The following CNTN3 variants were observed in gnomAD, a reference collection of about 807,000 sequenced individuals.
The protein encoded by CNTN3 is contactin-3.
A neutral mutation model predicts 119.1 loss-of-function variants in CNTN3; 60 were observed. The observed-to-expected ratio is 0.50, with a 90% confidence interval of 0.41 to 0.62. The LOEUF (loss-of-function observed/expected upper bound fraction) is 0.62, where lower values mean the gene tolerates loss of function less well. CNTN3 is among the 20% of genes least tolerant of loss of function. The pLI is 0.00. For missense variants in CNTN3, 1,101 were observed against 1,242.4 expected (o/e 0.89, Z 1.71); for synonymous variants, 450 against 438.7 (o/e 1.03, Z -0.32).
At chr3:74,400,539 G>A (rs193173221) in intron 5 of CNTN3, among the ~76,000 whole-genome samples, 2 of 152,282 alleles carry the variant, frequency 1.3e-5, no homozygotes, top group East Asian at 1.9e-4. Flanking sequence ...TTATACGAAC[G>A]TGCACTTGCA....
chr3:74,492,741 G>C (rs913285180), intron 3 of CNTN3, among the ~76,000 whole-genome samples: 9 of 152,092 alleles, frequency 5.9e-5, no homozygotes, highest in African/African-American at 1.9e-4. Context: ...AACTATGTTT[G>C]AGAGACAGAA....
intron 1 of CNTN3, among the ~76,000 whole-genome samples, chr3:74,543,838 C>T (rs915484564): frequency 6.6e-6 from 1 of 151,736 alleles, no homozygotes; most frequent in Non-Finnish European, 1.5e-5. Context: ...CTGAGACAGT[C>T]GAAAAAAAGA....
intron 2 of CNTN3, among the ~76,000 whole-genome samples, chr3:74,504,562 C>T (rs542680409): frequency 6.6e-6 from 1 of 152,260 alleles, no homozygotes; most frequent in South Asian, 2.1e-4. Flanking sequence ...CATTTATATG[C>T]TTCCAATGTC....
chr3:74,417,167 A>G lies in CNTN3; in HGVS notation c.454+7678T>C, dbSNP rs1359583887. Among the ~76,000 whole-genome samples, 4 of 152,006 alleles carry G rather than the reference A, an allele frequency of 2.6e-5. No individual in the cohort carries two copies. The East Asian group carries it at 7.8e-4, about 29-fold the overall frequency. On this transcript the variant is annotated intron_variant, in intron 5 of 22. Coordinates refer to ENST00000263665, the MANE Select transcript of CNTN3 (RefSeq NM_020872.3). The stretch of plus-strand genomic sequence containing the variant: ...GCTGTGTCTGGCCAATAATAATGGC[A>G]CCTATTATTGTCATTCTAGGGTTAA...
intron 5 of CNTN3, among the ~76,000 whole-genome samples, chr3:74,412,375 A>G (rs112464400): frequency 4.1e-3 from 619 of 152,316 alleles, no homozygotes; most frequent in African/African-American, 0.014. Flanking sequence ...ATGTAAAACA[A>G]ATTTGGAAAA....
In CNTN3 at chr3:74,365,547, T is replaced by C; in HGVS notation, c.1083+19A>G. 1 of 1,613,018 alleles carries C rather than the reference T, an allele frequency of 6.2e-7. No homozygotes were observed. The highest frequency in any genetic ancestry group is 1.3e-5 in the African/African-American group (1 of 74,962). On this transcript the variant is annotated intron_variant, in intron 9 of 22. Coordinates refer to ENST00000263665, the MANE Select transcript of CNTN3 (RefSeq NM_020872.3). ...ATTTACCAGGCCTCTAAACCCATTT[T>C]AGGTCCATGTTACCTTACCTCTAGC...
chr3:74,438,161 A>C (rs2106922893), intron 4 of CNTN3, among the ~76,000 whole-genome samples: 1 of 152,336 alleles, frequency 6.6e-6, no homozygotes, highest in East Asian at 1.9e-4. Flanking sequence ...TATCTTAATT[A>C]TGTACTCAAA....
intron 19 of CNTN3, 22 bp downstream of exon 19, chr3:74,295,099 A>G (rs1335271581): frequency 2.7e-6 from 4 of 1,481,306 alleles, no homozygotes; most frequent in Non-Finnish European, 3.8e-6. Context: ...CACATACACA[A>G]TTTAATCGGA....
At chr3:74,427,868 C>T (rs189193156) in intron 4 of CNTN3, among the ~76,000 whole-genome samples, 1 of 151,616 alleles carries the variant, frequency 6.6e-6, no homozygotes. Context: ...TTACAGAATG[C>T]TAATGAAAAA....
intron 1 of CNTN3, among the ~76,000 whole-genome samples, chr3:74,565,456 T>C (rs930045992): frequency 2.0e-5 from 3 of 152,106 alleles, no homozygotes; most frequent in Non-Finnish European, 4.4e-5. Context: ...CCCAAATGGG[T>C]AATCCATGAC....
chr3:74,592,654 G>C (rs1704724461), intron 1 of CNTN3, among the ~76,000 whole-genome samples: 1 of 151,878 alleles, frequency 6.6e-6, no homozygotes, highest in Admixed American at 6.6e-5. Flanking sequence ...TGAGAATAAA[G>C]TGAAAAATCT....
chr3:74,596,291 C>T (rs1283009900), intron 1 of CNTN3, among the ~76,000 whole-genome samples: 1 of 152,096 alleles, frequency 6.6e-6, no homozygotes, highest in Non-Finnish European at 1.5e-5. Flanking sequence ...AACGCCATCC[C>T]CATCAAGCTA....
chr3:74,603,518 G>A (rs1434197538), intron 1 of CNTN3, among the ~76,000 whole-genome samples: 2 of 152,130 alleles, frequency 1.3e-5, no homozygotes, highest in African/African-American at 4.8e-5. Flanking sequence ...GATGAATAAT[G>A]CTTGCTAGAA....
intron 20 of CNTN3, among the ~76,000 whole-genome samples, chr3:74,280,784 C>A (rs576847446): frequency 6.6e-6 from 1 of 152,324 alleles, no homozygotes; most frequent in African/African-American, 2.4e-5. Context: ...CCGGCTAAGG[C>A]AGGACACAAC....
chr3:74,470,048 T>C (rs947111804), intron 4 of CNTN3, among the ~76,000 whole-genome samples: 1 of 152,116 alleles, frequency 6.6e-6, no homozygotes, highest in Non-Finnish European at 1.5e-5. Context: ...TACTGACACA[T>C]GCTACTATAT....
intron 1 of CNTN3, among the ~76,000 whole-genome samples, chr3:74,521,660 A>AT (rs1703545431): frequency 6.6e-6 from 1 of 151,758 alleles, no homozygotes; most frequent in East Asian, 1.9e-4. Flanking sequence ...TCTTAGACCT[A>AT]TTTTTTTAGA....
chr3:74,585,361 T>C (rs1020464499), intron 1 of CNTN3, among the ~76,000 whole-genome samples: 3 of 152,146 alleles, frequency 2.0e-5, no homozygotes, highest in African/African-American at 7.2e-5. Context: ...AAAGGATAAC[T>C]ATATATAAGC....
intron 1 of CNTN3, among the ~76,000 whole-genome samples, chr3:74,588,006 G>T (rs1279758023): frequency 6.6e-6 from 1 of 152,032 alleles, no homozygotes; most frequent in Non-Finnish European, 1.5e-5. Flanking sequence ...TAGCATGAAG[G>T]TTGTTGAATT....
chr3:74,491,851 T>C (rs543682705), intron 3 of CNTN3, among the ~76,000 whole-genome samples: 1 of 152,204 alleles, frequency 6.6e-6, no homozygotes, highest in Admixed American at 6.6e-5. Context: ...TGAAATCTTT[T>C]TGAAATATGA....
Sources: gnomAD v4.1 joint callset for allele counts (sites outside exome capture counted in the v4.1 genomes callset) on GRCh38, gnomAD v4.1.1 for gene constraint, MANE v1.5 for transcripts, NCBI Gene and HGNC (gene_info 2026-07-23, HGNC 2026-07-21) for gene names.